KAZN: variants seen among roughly 807,000 people sequenced by gnomAD.
KAZN encodes kazrin.
In KAZN, 40 loss-of-function variants were observed where a neutral mutation model predicts 87.4. The ratio of observed to expected loss-of-function variants is 0.46; its 90% confidence interval spans 0.36 to 0.60. The LOEUF is 0.60. KAZN is among the 20% of genes least tolerant of loss of function. The pLI is 0.00. For synonymous variants in KAZN, 466 were observed against 458.3 expected (o/e 1.02, Z -0.22); for missense variants, 898 against 1,073.9 (o/e 0.84, Z 2.29).
chr1:15,102,443 G>A (rs1363690087), intron 11 of KAZN, among the ~76,000 whole-genome samples: 1 of 152,116 alleles, frequency 6.6e-6, no homozygotes, highest in African/African-American at 2.4e-5. Flanking sequence ...GAGTTGCTGA[G>A]AGTCCTGTTG....
chr1:14,459,995 G>T (rs111398497), intron 2 of KAZN, among the ~76,000 whole-genome samples: 1 of 152,086 alleles, frequency 6.6e-6, no homozygotes, highest in Non-Finnish European at 1.5e-5. Flanking sequence ...AGGTGATACC[G>T]TCAGAGCAGA....
chr1:14,393,106 C>T (rs557636887), intron 2 of KAZN, among the ~76,000 whole-genome samples: 5 of 152,128 alleles, frequency 3.3e-5, no homozygotes, highest in East Asian at 1.9e-4. Flanking sequence ...TTTAAGGTTC[C>T]ACCATCTCTC....
chr1:15,077,018 T>C lies in KAZN; in HGVS notation c.1222+11265T>C, dbSNP rs1242044097. On this transcript the variant is annotated intron_variant, in intron 8 of 14. Coordinates refer to ENST00000376030, the MANE Select transcript of KAZN (RefSeq NM_201628.3). This position sits in a 1 kb window ranked among gnomAD's most constrained non-coding sequence, Gnocchi z 4.8. ...GACGTGGCCACGTGGGGCCAGCACG[T>C]GCTGTAGCAAAAGGAAGCAGCTCTG... Among the ~76,000 whole-genome samples the C allele has an allele frequency of 2.0e-5, 3 of 152,184 alleles. No individual in the cohort carries two copies. The highest frequency in any genetic ancestry group is 4.4e-5 in the Non-Finnish European group (3 of 68,032).
At chr1:13,979,937 A>C (rs1638580576) in intron 1 of KAZN, among the ~76,000 whole-genome samples, 1 of 151,404 alleles carries the variant, frequency 6.6e-6, no homozygotes, top group Admixed American at 6.6e-5. Context: ...TCTCAAAAAA[A>C]AAAAAAAAAA....
At chr1:14,753,154 A>G (rs1026614192) in intron 1 of KAZN, among the ~76,000 whole-genome samples, 6 of 152,218 alleles carry the variant, frequency 3.9e-5, no homozygotes, top group African/African-American at 1.4e-4. Flanking sequence ...AGGGAGCTCC[A>G]GGAAGCATGC....
At chr1:14,802,551 T>A (rs1392942313) in intron 1 of KAZN, among the ~76,000 whole-genome samples, 1 of 152,132 alleles carries the variant, frequency 6.6e-6, no homozygotes, top group African/African-American at 2.4e-5. Flanking sequence ...CTCACTGTCC[T>A]ACTATATGCA....
At chr1:14,965,569 A>C (rs776530518) in intron 2 of KAZN, among the ~76,000 whole-genome samples, 107 of 152,342 alleles carry the variant, frequency 7.0e-4, no homozygotes, top group Middle Eastern at 3.4e-3. Flanking sequence ...CTCTTTGAAA[A>C]CATAATTTTT....
intron 2 of KAZN, among the ~76,000 whole-genome samples, chr1:14,542,735 T>C (rs940807441): frequency 1.3e-5 from 2 of 152,204 alleles, no homozygotes; most frequent in African/African-American, 4.8e-5. Flanking sequence ...GTTCCCATAG[T>C]ATGTCCATGT....
At chr1:14,464,705 A>AT (rs766339958) in intron 2 of KAZN, among the ~76,000 whole-genome samples, 2 of 151,856 alleles carry the variant, frequency 1.3e-5, no homozygotes, top group African/African-American at 2.4e-5. Flanking sequence ...TGCCTGGCTA[A>AT]TTTTTTTGTA....
rs575113526 is a variant in KAZN at position 14,110,048 on chromosome 1, T to C, written c.92-70387T>C. 6.4e-4 allele frequency among the ~76,000 whole-genome samples: 84 copies of C among 131,082 alleles called. 16 individuals carry two copies. Among genetic ancestry groups the C allele is most frequent in the Admixed American group, 3.8e-3 (49 of 12,824 alleles). The allele number at this position is 131,082 out of a possible 152,430, so 86.0% of individuals were successfully genotyped here. On this transcript the variant is annotated intron_variant, in intron 1 of 16. Coordinates refer to the KAZN transcript ENST00000636203. ...ATATTGAATAAGCAAAGCAATAATA[T>C]GTTGTGATTAATAAGTGGCTTGACA... is the stretch of plus-strand genomic sequence containing the variant.
At chr1:14,433,752 C>T (rs775212540) in intron 2 of KAZN, among the ~76,000 whole-genome samples, 48 of 152,142 alleles carry the variant, frequency 3.2e-4, no homozygotes, top group Non-Finnish European at 4.3e-4. Context: ...CCCAGCTACT[C>T]GGGAGGCTAA....
intron 1 of KAZN, among the ~76,000 whole-genome samples, chr1:13,909,712 A>T (rs1262650102): frequency 6.6e-6 from 1 of 152,220 alleles, no homozygotes; most frequent in Non-Finnish European, 1.5e-5. Flanking sequence ...TGGTTTAAAA[A>T]TGTAGCAAGA....
chr1:14,668,500 C>T (rs972133250), intron 1 of KAZN, among the ~76,000 whole-genome samples: 2 of 152,078 alleles, frequency 1.3e-5, no homozygotes, highest in Non-Finnish European at 2.9e-5. Context: ...AGCCAGTGGA[C>T]TTGAAAAAGG....
At chr1:14,016,712 T>A (rs1383649564) in intron 1 of KAZN, among the ~76,000 whole-genome samples, 1 of 152,164 alleles carries the variant, frequency 6.6e-6, no homozygotes, top group African/African-American at 2.4e-5. Context: ...TTTGTGTTAA[T>A]GGCCTTTATT....
chr1:13,985,211 A>T (rs184785993), intron 1 of KAZN, among the ~76,000 whole-genome samples: 2 of 151,592 alleles, frequency 1.3e-5, no homozygotes, highest in East Asian at 1.9e-4. Flanking sequence ...AATTTTTTTA[A>T]AATTATTATT....
At chr1:13,945,366 C>T (rs967211464) in intron 1 of KAZN, among the ~76,000 whole-genome samples, 10 of 151,474 alleles carry the variant, frequency 6.6e-5, no homozygotes, top group Non-Finnish European at 1.2e-4. Context: ...CCCAGTTACT[C>T]GGGAAGCTGA....
intron 1 of KAZN, among the ~76,000 whole-genome samples, chr1:14,950,700 G>A (rs530464721): frequency 6.6e-6 from 1 of 152,246 alleles, no homozygotes; most frequent in East Asian, 1.9e-4. Flanking sequence ...CGGCGGCCCT[G>A]GGCTGAGCTA....
chr1:14,058,783 T>G (rs1642677836), intron 1 of KAZN, among the ~76,000 whole-genome samples: 1 of 152,048 alleles, frequency 6.6e-6, no homozygotes, highest in Non-Finnish European at 1.5e-5. Context: ...TTGCAAAAGG[T>G]CTCTCTGAGA....
In KAZN at chr1:15,081,525, A is replaced by G. The variant is rs1640002542; in HGVS notation, c.1223-12655A>G. On this transcript the variant is annotated intron_variant, in intron 8 of 14. Transcript: ENST00000376030. This position sits in a 1 kb window ranked among gnomAD's most constrained non-coding sequence, Gnocchi z 4.1. ...CAACTGTTCGTTTCAGCTGTGAGAG[A>G]TGTCATGCAGGAAAGGTTCCAGGAA... Among the ~76,000 whole-genome samples, 1 of 152,064 alleles carries G rather than the reference A, an allele frequency of 6.6e-6. No individual in the cohort carries two copies. Among genetic ancestry groups the G allele is most frequent in the Non-Finnish European group, 1.5e-5 (1 of 68,022 alleles).
Sources: allele counts gnomAD v4.1 joint callset (sites outside exome capture counted in the v4.1 genomes callset), GRCh38; gene constraint gnomAD v4.1.1; non-coding constraint Gnocchi (gnomAD v3.1); transcripts MANE v1.5; gene names NCBI Gene and HGNC (gene_info 2026-07-23, HGNC 2026-07-21).